GFRA1: variants seen among roughly 807,000 people sequenced by gnomAD.
GFRA1 encodes GDNF family receptor alpha 1.
A neutral mutation model predicts 51.6 loss-of-function variants in GFRA1; 16 were observed. The observed-to-expected ratio is 0.31, with a 90% CI of 0.21 to 0.47. The LOEUF (loss-of-function observed/expected upper bound fraction) is 0.47, where lower values mean the gene tolerates loss of function less well. Ranked by LOEUF, GFRA1 falls within the 20% of genes least tolerant of loss-of-function variation. GFRA1 has a pLI of 1.00. For synonymous variants in GFRA1, 270 were observed against 241.3 expected, an observed-to-expected ratio of 1.12 and a Z score of -1.10; for missense variants, 530 against 594.3, an observed-to-expected ratio of 0.89 and a Z score of 1.13.
At chr10:116,246,108 T>C (rs1225412586) in intron 4 of GFRA1, among the ~76,000 whole-genome samples, 2 of 152,162 alleles carry the variant, frequency 1.3e-5, no homozygotes, top group Non-Finnish European at 2.9e-5. Flanking sequence ...CAATGACTCA[T>C]TAATTGTAAC....
chr10:116,126,281 T>C (rs902933883), intron 5 of GFRA1, among the ~76,000 whole-genome samples: 2 of 152,258 alleles, frequency 1.3e-5, no homozygotes, highest in African/African-American at 4.8e-5. Flanking sequence ...AGAATTTCAA[T>C]GGGCTCCAGG....
chr10:116,158,389 T>C (rs145554043), intron 5 of GFRA1, among the ~76,000 whole-genome samples: 1 of 152,246 alleles, frequency 6.6e-6, no homozygotes, highest in African/African-American at 2.4e-5. Context: ...AAGATACTTG[T>C]TGAGTGAATG....
At chr10:116,176,634 C>A (rs1227179913) in intron 5 of GFRA1, among the ~76,000 whole-genome samples, 1 of 152,134 alleles carries the variant, frequency 6.6e-6, no homozygotes, top group African/African-American at 2.4e-5. Context: ...ATGTAAATAT[C>A]TTTTCTTTAT....
chr10:116,162,244 A>G (rs79613504), intron 5 of GFRA1, among the ~76,000 whole-genome samples: 3,214 of 152,318 alleles, frequency 0.021, 116 homozygotes, highest in African/African-American at 0.071. Flanking sequence ...GGATCTAAGC[A>G]GGCAGTGTCA....
intron 5 of GFRA1, 58 bp from the exon 6 acceptor site, chr10:116,125,615 ACT>A (rs1957839914): frequency 1.5e-6 from 2 of 1,343,432 alleles, no homozygotes; most frequent in East Asian, 4.8e-5. Flanking sequence ...GTTCTCACCT[ACT>A]CTGTTTTAAT....
Position 116,197,217 on chromosome 10 carries a change from C to G in GFRA1, c.433+14414G>C, listed in dbSNP as rs1589864167. Among the ~76,000 whole-genome samples, 5 of 152,186 alleles carry G rather than the reference C, an allele frequency of 3.3e-5. No individual in the cohort carries two copies. In the Middle Eastern group the frequency reaches 0.014, roughly 414 times the overall value. On this transcript the variant is annotated intron_variant, in intron 5 of 10. Coordinates refer to ENST00000355422, the MANE Select transcript of GFRA1 (RefSeq NM_005264.8). ...TTGGGAGGTGATTAATTCATGGAAG[C>G]AGAGCCTTCAGGAATGAGATTAGGG...
chr10:116,086,749 C>T (rs182888703), intron 9 of GFRA1, among the ~76,000 whole-genome samples: 47 of 152,328 alleles, frequency 3.1e-4, no homozygotes, highest in African/African-American at 1.1e-3. Context: ...CACAGCCCCA[C>T]GCCTTCATGT....
chr10:116,160,024 G>T (rs930524334), intron 5 of GFRA1, among the ~76,000 whole-genome samples: 17 of 152,086 alleles, frequency 1.1e-4, no homozygotes, highest in Non-Finnish European at 2.5e-4. Flanking sequence ...AGTATATCAG[G>T]GACATTTTTC....
intron 4 of GFRA1, among the ~76,000 whole-genome samples, chr10:116,261,066 C>T (rs1303930879): frequency 6.6e-6 from 1 of 152,216 alleles, no homozygotes; most frequent in African/African-American, 2.4e-5. Context: ...CAATGAACAA[C>T]TACCTCCTTA....
chr10:116,271,347 C>G (rs1365981713), intron 2 of GFRA1, among the ~76,000 whole-genome samples: 2 of 152,152 alleles, frequency 1.3e-5, no homozygotes, highest in Admixed American at 1.3e-4. Flanking sequence ...GCAGGCTCAG[C>G]CCGCGGGCTT....
At chr10:116,112,076 C>T (rs1252652251) in intron 6 of GFRA1, among the ~76,000 whole-genome samples, 1 of 152,234 alleles carries the variant, frequency 6.6e-6, no homozygotes, top group Non-Finnish European at 1.5e-5. Flanking sequence ...AGCAAATGTT[C>T]TCAAGCCATA....
intron 4 of GFRA1, among the ~76,000 whole-genome samples, chr10:116,264,345 G>C (rs1969502026): frequency 6.6e-6 from 1 of 152,152 alleles, no homozygotes; most frequent in Non-Finnish European, 1.5e-5. Flanking sequence ...TACTGGACTA[G>C]ATCTCTAGGG....
intron 5 of GFRA1, among the ~76,000 whole-genome samples, chr10:116,210,942 G>A (rs80343346): frequency 1.4e-4 from 22 of 152,268 alleles, no homozygotes; most frequent in African/African-American, 4.8e-4. Flanking sequence ...CAGAAGGTTC[G>A]AGGAGGCCAT....
At chr10:116,270,621 A>G (rs1843828803) in intron 3 of GFRA1, among the ~76,000 whole-genome samples, 1 of 151,982 alleles carries the variant, frequency 6.6e-6, no homozygotes, top group Non-Finnish European at 1.5e-5. Flanking sequence ...CGTCCTCCTC[A>G]TGGGTTTTCC....
At chr10:116,234,899 T>C (rs1966849870) in intron 4 of GFRA1, among the ~76,000 whole-genome samples, 1 of 152,152 alleles carries the variant, frequency 6.6e-6, no homozygotes, top group South Asian at 2.1e-4. Context: ...TGATAGTGAG[T>C]GAGTTCTCAT....
intron 5 of GFRA1, among the ~76,000 whole-genome samples, chr10:116,147,865 G>A (rs1019724173): frequency 1.3e-5 from 2 of 152,064 alleles, no homozygotes; most frequent in South Asian, 4.2e-4. Context: ...ATCCGCTTCC[G>A]GGGGACCCCA....
chr10:116,151,701 C>T (rs1037318859), intron 5 of GFRA1, among the ~76,000 whole-genome samples: 11 of 151,950 alleles, frequency 7.2e-5, no homozygotes, highest in African/African-American at 2.2e-4. Context: ...CAGGAGGATA[C>T]GCACCACACA....
rs767736428 is a variant in GFRA1, at chr10:116,269,522, C to T, written c.399G>A (p.Arg133=). The change falls in exon 4 of 11, where the codon CGG becomes CGA. Residue 133 remains arginine, a synonymous_variant. Coordinates refer to ENST00000355422, the MANE Select transcript of GFRA1 (RefSeq NM_005264.8). ...GCTTACCTGATATGAATGGGACCAC[C>T]CGGAATATATCTGACAATCTGCTGT... The part of the protein sequence containing the change: ...PVNSRLSDIF[R]VVPFISDVFQ... 3.1e-6 allele frequency: 5 copies of T among 1,601,744 alleles called. No individual in the cohort carries two copies. The highest frequency in any genetic ancestry group is 2.7e-5 in the African/African-American group (2 of 74,684).
chr10:116,166,943 G>A (rs1265810502), intron 5 of GFRA1, among the ~76,000 whole-genome samples: 1 of 151,748 alleles, frequency 6.6e-6, no homozygotes, highest in East Asian at 1.9e-4. Flanking sequence ...GGGACTACAG[G>A]CGCCCGCCTC....
Sources: allele counts gnomAD v4.1 joint callset (sites outside exome capture counted in the v4.1 genomes callset), GRCh38; gene constraint gnomAD v4.1.1; transcripts MANE v1.5; gene names NCBI Gene and HGNC (gene_info 2026-07-23, HGNC 2026-07-21).